The following SCRG1 variants were observed in gnomAD, a reference collection of about 807,000 sequenced individuals.
SCRG1 encodes scrapie-responsive protein 1.
SCRG1 carries 3 observed loss-of-function variants against 7.7 expected under a neutral mutation model. The observed-to-expected ratio is 0.39, with a 90% CI of 0.18 to 1.01. The LOEUF (loss-of-function observed/expected upper bound fraction) is 1.01. SCRG1 is among the 50% of genes least tolerant of loss of function. SCRG1 has a pLI of 0.36. For synonymous variants in SCRG1, 46 were observed against 41.2 expected, an observed-to-expected ratio of 1.12 and a Z score of -0.44; for missense variants, 110 against 117.2, an observed-to-expected ratio of 0.94 and a Z score of 0.28.
the SCRG1 span, among the ~76,000 whole-genome samples, chr4:173,483,341 A>C: frequency 6.7e-5 from 2 of 29,782 alleles, no homozygotes; most frequent in South Asian, 2.6e-3. Flanking sequence ...ATTATATATT[A>C]CATATGATAT....
chr4:173,483,611 A>ATATTATATATTGTAT, the SCRG1 span, among the ~76,000 whole-genome samples: 1 of 68,610 alleles, frequency 1.5e-5, no homozygotes, highest in African/African-American at 5.6e-5. Flanking sequence ...TATATAATAT[A>ATATTATATATTGTAT]TATGATATAT....
chr4:173,464,616 A>G, the SCRG1 span, among the ~76,000 whole-genome samples: 3 of 152,226 alleles, frequency 2.0e-5, no homozygotes, highest in Admixed American at 6.5e-5. Flanking sequence ...ATATGGAGAA[A>G]TTGGAAATCT....
the SCRG1 span, among the ~76,000 whole-genome samples, chr4:173,415,586 G>C: frequency 6.6e-6 from 1 of 152,128 alleles, no homozygotes; most frequent in Non-Finnish European, 1.5e-5. Context: ...AAAGAGAACT[G>C]GCATTTACCA....
At chr4:173,412,793 G>T in the SCRG1 span, among the ~76,000 whole-genome samples, 1 of 152,130 alleles carries the variant, frequency 6.6e-6, no homozygotes, top group Non-Finnish European at 1.5e-5. Flanking sequence ...TAGGAGAGTT[G>T]TTCTCCACAC....
chr4:173,505,094 C>T, the SCRG1 span, among the ~76,000 whole-genome samples: 8 of 152,238 alleles, frequency 5.3e-5, no homozygotes, highest in South Asian at 2.1e-4. This position sits in a 1 kb window ranked among gnomAD's most constrained non-coding sequence, Gnocchi z 4.4. Flanking sequence ...GGGTTAAAAA[C>T]GCCCATTAAA....
At chr4:173,425,956 C>T in the SCRG1 span, among the ~76,000 whole-genome samples, 1 of 152,242 alleles carries the variant, frequency 6.6e-6, no homozygotes, top group African/African-American at 2.4e-5. Context: ...AACACTCCCA[C>T]TGCCACTTCT....
At chr4:173,508,312 CGCT>C in the SCRG1 span, among the ~76,000 whole-genome samples, 8 of 152,188 alleles carry the variant, frequency 5.3e-5, no homozygotes, top group Non-Finnish European at 1.0e-4. The surrounding 1 kb of genome is among the most constrained non-coding windows in gnomAD (Gnocchi z 4.4). Flanking sequence ...GGTACATGGG[CGCT>C]TCTGCAGGAG....
At chr4:173,481,912 T>C in the SCRG1 span, among the ~76,000 whole-genome samples, 1 of 152,138 alleles carries the variant, frequency 6.6e-6, no homozygotes, top group African/African-American at 2.4e-5. Flanking sequence ...ACTCAGATTT[T>C]TGACTGCAAG....
chr4:173,501,790 G>C, the SCRG1 span, among the ~76,000 whole-genome samples: 2 of 152,182 alleles, frequency 1.3e-5, no homozygotes, highest in African/African-American at 4.8e-5. This position sits in a 1 kb window ranked among gnomAD's most constrained non-coding sequence, Gnocchi z 5.1. Flanking sequence ...TTCCTCCTGA[G>C]GTAATCTCAT....
At chr4:173,462,906 T>C in the SCRG1 span, among the ~76,000 whole-genome samples, 1 of 152,154 alleles carries the variant, frequency 6.6e-6, no homozygotes, top group Admixed American at 6.5e-5. Context: ...GGTTATAATA[T>C]AGTATTTTCA....
At chr4:173,445,752 A>C in the SCRG1 span, among the ~76,000 whole-genome samples, 5 of 145,712 alleles carry the variant, frequency 3.4e-5, no homozygotes, top group East Asian at 1.0e-3. Context: ...TGCAACCTCC[A>C]CTTCCTGGGT....
At chr4:173,445,407 C>A in the SCRG1 span, among the ~76,000 whole-genome samples, 1 of 151,680 alleles carries the variant, frequency 6.6e-6, no homozygotes, top group South Asian at 2.1e-4. Flanking sequence ...ATGGTGAAAC[C>A]CCCGCCTCTA....
At chr4:173,402,185 AAATGT>A (rs1376810058), upstream of SCRG1, among the ~76,000 whole-genome samples, 3 of 152,170 alleles carry the variant, frequency 2.0e-5, no homozygotes, top group African/African-American at 7.2e-5. Flanking sequence ...AAAACCATCC[AAATGT>A]AATGTACAGA....
the SCRG1 span, among the ~76,000 whole-genome samples, chr4:173,427,856 C>G: frequency 2.6e-5 from 4 of 152,228 alleles, no homozygotes; most frequent in South Asian, 4.2e-4. Flanking sequence ...TATGAAGCAC[C>G]AAACAGAAAT....
At chr4:173,420,226 G>A in the SCRG1 span, 2 of 324,788 alleles carry the variant, frequency 6.2e-6, no homozygotes, top group Non-Finnish European at 1.2e-5. Flanking sequence ...CTGTACTTTT[G>A]ATTCCCTTTA....
the SCRG1 span, among the ~76,000 whole-genome samples, chr4:173,448,218 C>T: frequency 6.6e-6 from 1 of 152,224 alleles, no homozygotes; most frequent in African/African-American, 2.4e-5. Flanking sequence ...TTTGCTCTGG[C>T]TTCTGTAGCC....
the SCRG1 span, among the ~76,000 whole-genome samples, chr4:173,482,854 TTA>T: frequency 6.9e-6 from 1 of 144,104 alleles, no homozygotes; most frequent in Non-Finnish European, 1.5e-5. Context: ...ACACACTATA[TTA>T]TATATTTCAT....
chr4:173,480,787 A>G, the SCRG1 span, among the ~76,000 whole-genome samples: 2,431 of 152,196 alleles, frequency 0.016, 27 homozygotes, highest in Non-Finnish European at 0.028. Flanking sequence ...TGTATGCTGA[A>G]GTACTGGAGG....
At chr4:173,408,884 T>C (rs1027652938), upstream of SCRG1, among the ~76,000 whole-genome samples, 3 of 149,760 alleles carry the variant, frequency 2.0e-5, no homozygotes, top group Non-Finnish European at 4.4e-5. Flanking sequence ...TCCCAGCTAC[T>C]CCGGAGGCTG....
Sources: gnomAD v4.1 joint callset for allele counts (sites outside exome capture counted in the v4.1 genomes callset) on GRCh38, gnomAD v4.1.1 for gene constraint, Gnocchi (gnomAD v3.1) non-coding constraint, MANE v1.5 for transcripts, NCBI Gene and HGNC (gene_info 2026-07-23, HGNC 2026-07-21) for gene names.